Variants in COL6A3 observed in about 807,000 individuals in gnomAD.
The protein encoded by COL6A3 is collagen type VI alpha 3 chain, also known as collagen alpha-3(VI) chain.
In COL6A3, 137 loss-of-function variants were observed where a neutral mutation model predicts 274.1. The ratio of observed to expected loss-of-function variants is 0.50; its 90% CI spans 0.44 to 0.58. The LOEUF is 0.58. Ranked by LOEUF, COL6A3 falls within the 20% of genes least tolerant of loss-of-function variation. The pLI is 0.00. For missense variants in COL6A3, 3,950 were observed against 4,124.9 expected, an observed-to-expected ratio of 0.96 and a Z score of 1.16; for synonymous variants, 1,650 against 1,650.6, an observed-to-expected ratio of 1.00 and a Z score of 0.01.
chr2:237,351,931 AT>A (rs1399314888), intron 26 of COL6A3, among the ~76,000 whole-genome samples: 1 of 152,268 alleles, frequency 6.6e-6, no homozygotes, highest in Non-Finnish European at 1.5e-5. Context: ...TTTTTTGGTA[AT>A]AAATGATAGG....
rs771857541 is a variant in COL6A3 at position 237,357,341 on chromosome 2, C to T, written c.6588G>A (p.Lys2196=). 4 of 1,614,006 alleles carry T rather than the reference C, an allele frequency of 2.5e-6. No individual in the cohort carries two copies. The South Asian group carries it at 3.3e-5, about 13-fold the overall frequency. ...CCAAAGCCCTAATGGCACTCACATT[C>T]TTCCCAGTTTCTCCAGGTCCTCCAG... The part of the protein sequence containing the change: ...GVPGGPGETG[K]NGGFGRRGPP... The change falls in exon 23 of 44, where the codon AAG becomes AAA. Residue 2196 remains lysine (K), a synonymous_variant. Transcript: ENST00000295550.
At chr2:237,383,788 C>T (rs568899654) in intron 4 of COL6A3, among the ~76,000 whole-genome samples, 10 of 152,096 alleles carry the variant, frequency 6.6e-5, no homozygotes, top group Non-Finnish European at 1.2e-4. Flanking sequence ...TACCCTCCCA[C>T]GTTTTCCCTC....
chr2:237,343,831 T>C (rs1188762322), intron 36 of COL6A3: 1 of 209,294 alleles, frequency 4.8e-6, no homozygotes, highest in Non-Finnish European at 9.7e-6. Context: ...TTTCAGAGTC[T>C]AATGGACTAG....
intron 40 of COL6A3, 21 bp downstream of exon 40, chr2:237,336,114 C>G: frequency 6.2e-7 from 1 of 1,612,884 alleles, no homozygotes; most frequent in South Asian, 1.1e-5. Context: ...AAGATGGCAG[C>G]CCTAGCAAGG....
chr2:237,387,813 C>T lies in COL6A3; in HGVS notation c.1081G>A (p.Glu361Lys), dbSNP rs568616875. ...VLISAGPSSD[E>K]IRYGVVALKQ... ...AGTGCTACCACCCCGTAGCGAATCT[C>T]GTCACTAGAAGGCCCGGCACTTATG... is the stretch of plus-strand genomic sequence containing the variant. The change falls in exon 4 of 44, where the codon GAG becomes AAG. Residue 361 changes from glutamate to lysine, a missense_variant. Glu to Lys is a moderately conservative substitution (Grantham distance 56). This residue lies in a region of COL6A3 where 1,934 missense variants were observed against 1,984.3 expected (regional missense o/e 0.97). Coordinates refer to ENST00000295550, the MANE Select transcript of COL6A3 (RefSeq NM_004369.4). 3.7e-6 allele frequency: 6 copies of T among 1,614,176 alleles called. No individual in the cohort carries two copies. The highest frequency in any genetic ancestry group is 2.2e-5 in the South Asian group (2 of 91,078).
chr2:237,381,402 T>C lies in COL6A3; in HGVS notation c.1410A>G (p.Lys470=). Residue 470 remains lysine, a synonymous_variant, in exon 5 of 44, where the codon AAA becomes AAG. Coordinates refer to ENST00000295550, the MANE Select transcript of COL6A3 (RefSeq NM_004369.4). The part of the protein sequence containing the change: ...NFNAIRDFIA[K]VIQRLEIGQD... ...GTCCGATTTCCAGCCTCTGGATGAC[T>C]TTAGCAATGAAGTCTCGGATGGCAT... 6.2e-7 allele frequency: 1 copy of C among 1,613,994 alleles called. No homozygotes were observed.
chr2:237,349,342 A>G (rs1452515872), intron 28 of COL6A3, among the ~76,000 whole-genome samples: 3 of 152,234 alleles, frequency 2.0e-5, no homozygotes, highest in African/African-American at 7.2e-5. Flanking sequence ...ACAACTAGAG[A>G]TCTGTTGACC....
Position 237,344,411 on chromosome 2 carries a change from G to C in COL6A3, c.7607C>G (p.Ala2536Gly). The change falls in exon 36 of 44, where the codon GCG becomes GGG. Residue 2536 changes from alanine (A) to glycine (G), a missense_variant. By Grantham distance (60) the Ala-to-Gly change is moderately conservative. Around this residue, in one of 5 missense-constraint regions of COL6A3, gnomAD observed 1,284 missense variants for 1,349.7 expected, o/e 0.95. Coordinates refer to ENST00000295550, the MANE Select transcript of COL6A3 (RefSeq NM_004369.4). The surrounding 1 kb of genome is among the most constrained non-coding windows in gnomAD (Gnocchi z 4.8). The stretch of plus-strand genomic sequence containing the variant: ...TGTAAGGAACAAGGGGGTGATCCCC[G>C]CATCTGAGAGCTTGAGCACAGCCTC... ...LREAVLKLSD[A>G]GITPLFLTRQ... 6.2e-7 allele frequency: 1 copy of C among 1,614,162 alleles called. No homozygotes were observed. Among genetic ancestry groups the C allele is most frequent in the Non-Finnish European group, 8.5e-7 (1 of 1,180,004 alleles).
chr2:237,379,158 G>A lies in COL6A3; in HGVS notation c.1975C>T (p.Arg659Cys), dbSNP rs146291186. The change falls in exon 6 of 44, where the codon CGC becomes TGC. Residue 659 changes from arginine to cysteine, a missense_variant. By Grantham distance (180) the Arg-to-Cys change is radical. Around this residue, in one of 5 missense-constraint regions of COL6A3, gnomAD observed 1,934 missense variants for 1,984.3 expected, o/e 0.97. Transcript: ENST00000295550. The part of the protein sequence containing the change: ...NVGKTNFPYV[R>C]DFVMNLVNSL... ...TTAACTAGGTTCATTACAAAGTCGC[G>A]CACATAAGGGAAATTGGTTTTTCCA... 2.6e-4 allele frequency: 425 copies of A among 1,614,154 alleles called. No homozygotes were observed. The highest frequency in any genetic ancestry group is 3.3e-4 in the Non-Finnish European group (392 of 1,180,012).
At chr2:237,389,783 T>G (rs894228661) in intron 3 of COL6A3, among the ~76,000 whole-genome samples, 1 of 152,254 alleles carries the variant, frequency 6.6e-6, no homozygotes, top group African/African-American at 2.4e-5. Flanking sequence ...GCTATCACAA[T>G]CCTTCTTATA....
intron 25 of COL6A3, 108 bp downstream of exon 25, chr2:237,353,228 CTGGAT>C: frequency 9.8e-7 from 1 of 1,019,722 alleles, no homozygotes; most frequent in Non-Finnish European, 1.5e-6. Context: ...CCAAATGCCA[CTGGAT>C]TGTTCACTTT....
chr2:237,400,943 A>G (rs1005941702), intron 1 of COL6A3, among the ~76,000 whole-genome samples: 1 of 152,236 alleles, frequency 6.6e-6, no homozygotes, highest in Admixed American at 6.5e-5. Flanking sequence ...AAACCAATCA[A>G]TGTGATACAC....
chr2:237,361,652 T>C lies in COL6A3; in HGVS notation c.6156+87A>G. On this transcript the variant is annotated intron_variant, in intron 15 of 43. Transcript: ENST00000295550. The surrounding 1 kb of genome is among the most constrained non-coding windows in gnomAD (Gnocchi z 5.1). ...CTCGTCTCCTCCTTCATCTCCACAC[T>C]CTTCTGTTAGAGAAATTACCCCACC... 1 of 1,210,146 alleles carries C rather than the reference T, an allele frequency of 8.3e-7. No homozygotes were observed. Among genetic ancestry groups the C allele is most frequent in the South Asian group, 1.2e-5 (1 of 83,098 alleles). The allele number at this position is 1,210,146 out of a possible 1,614,324, so 75.0% of individuals were successfully genotyped here.
In COL6A3 at chr2:237,324,604, C is replaced by G. The variant is rs1346408708; in HGVS notation, c.*170G>C. ...GAGCGAGGGTCCACAGACACATTAGCACCATACTGATAGGTCATGCAGCAG... is the reference window on the plus strand; with the variant it reads ...GAGCGAGGGTCCACAGACACATTAGGACCATACTGATAGGTCATGCAGCAG... On this transcript the variant is annotated 3_prime_UTR_variant, in exon 44 of 44. Transcript: ENST00000295550. The G allele has an allele frequency of 1.5e-6, 1 of 673,864 alleles. No homozygotes were observed. Among genetic ancestry groups the G allele is most frequent in the Admixed American group, 2.1e-5 (1 of 48,398 alleles). 41.7% of individuals were successfully genotyped at this position (673,864 alleles called of 1,614,324 possible).
Position 237,325,561 on chromosome 2 carries a change from A to G in COL6A3, c.9492T>C (p.Pro3164=). 1 of 1,614,178 alleles carries G rather than the reference A, an allele frequency of 6.2e-7. No individual in the cohort carries two copies. The highest frequency in any genetic ancestry group is 2.2e-5 in the East Asian group (1 of 44,866). ...SQKECEKVCA[P]VLAKPGVISV... is the part of the protein sequence containing the mutation. ...TAAACACAAGGAAGAATCACTTACC[A>G]GGAGCGCAAACCTTTTCACATTCTT... is the stretch of plus-strand genomic sequence containing the variant. The change falls in exon 43 of 44, where the codon CCT becomes CCC. Residue 3164 remains proline (P), a splice_region_variant and synonymous_variant. Transcript: ENST00000295550.
chr2:237,382,349 C>T (rs2078028994), intron 4 of COL6A3, among the ~76,000 whole-genome samples: 1 of 152,024 alleles, frequency 6.6e-6, no homozygotes, highest in South Asian at 2.1e-4. Context: ...CACCACTGCA[C>T]TCCAGCCTGG....
At chr2:237,365,609 A>T in intron 12 of COL6A3, 89 bp downstream of exon 12, 1 of 1,119,366 alleles carries the variant, frequency 8.9e-7, no homozygotes. Context: ...AAACATGAAG[A>T]GGATTTAACT....
rs116659268 is a variant in COL6A3, at chr2:237,339,960, C to T, written c.8464+492G>A. 8.3e-3 allele frequency among the ~76,000 whole-genome samples: 1,265 copies of T among 152,152 alleles called. 21 individuals are homozygous for T. Among genetic ancestry groups the T allele is most frequent in the African/African-American group, 0.03 (1,231 of 41,512 alleles). ...TGAATATGGGTTTGCTGCTGAAGTG[C>T]GGTGGAGAGCATTCCAGGGAGGGGG... On this transcript the variant is annotated intron_variant, in intron 38 of 43. Transcript: ENST00000295550.
chr2:237,336,168 C>T lies in COL6A3; in HGVS notation c.8932G>A (p.Ala2978Thr), dbSNP rs760847135. 1.9e-6 allele frequency: 3 copies of T among 1,613,402 alleles called. No individual in the cohort carries two copies. The highest frequency in any genetic ancestry group is 1.7e-6 in the Non-Finnish European group (2 of 1,180,002). The stretch of plus-strand genomic sequence containing the variant: ...TTAGTGGTGGCTGGCTTGGTGGCAG[C>T]TGGTTTGGCTGCCTGTGGCCTAGGG... ...EVPRPQAAKPAATKPATTKPM... is the reference protein window; with the variant it reads ...EVPRPQAAKPTATKPATTKPM... Residue 2978 changes from alanine to threonine, a missense_variant, in exon 40 of 44, where the codon GCT becomes ACT. Ala to Thr is a moderately conservative substitution (Grantham distance 58, BLOSUM62 0). Coordinates refer to ENST00000295550, the MANE Select transcript of COL6A3 (RefSeq NM_004369.4).
Sources: allele counts gnomAD v4.1 joint callset (sites outside exome capture counted in the v4.1 genomes callset), GRCh38; gene constraint gnomAD v4.1.1; regional missense constraint gnomAD v4.1.1; non-coding constraint Gnocchi (gnomAD v3.1); transcripts MANE v1.5; gene names NCBI Gene and HGNC (gene_info 2026-07-23, HGNC 2026-07-21).